The following PCDH11X variants were observed in gnomAD, a reference collection of about 807,000 sequenced individuals.
PCDH11X encodes the protein protocadherin 11 X-linked, also known as protocadherin-11 X-linked.
Under a neutral mutation model 53.3 loss-of-function variants are expected in PCDH11X, and 18 were observed. The ratio of observed to expected loss-of-function variants is 0.34; its 90% CI spans 0.23 to 0.50. The LOEUF is 0.50. Ranked by LOEUF, PCDH11X falls within the 20% of genes least tolerant of loss-of-function variation. The pLI, the probability that PCDH11X is intolerant of heterozygous loss-of-function variation, is 0.98. For synonymous variants in PCDH11X, 279 were observed against 393.3 expected, an observed-to-expected ratio of 0.71 and a Z score of 3.44; for missense variants, 570 against 1,032.4, an observed-to-expected ratio of 0.55 and a Z score of 6.14.
chrX:92,606,007 G>T (rs1258969757), intron 10 of PCDH11X, among the ~76,000 whole-genome samples: 1 of 110,201 alleles, frequency 9.1e-6, no homozygotes, highest in African/African-American at 3.3e-5. Context: ...CGAGGCGGGC[G>T]GATCACCTGA....
intron 5 of PCDH11X, among the ~76,000 whole-genome samples, chrX:91,876,231 C>T (rs1487080802): frequency 4.5e-5 from 5 of 110,165 alleles, no homozygotes; most frequent in Non-Finnish European, 7.6e-5. Context: ...AGGAAGGTGG[C>T]GAGGGATAAA....
chrX:92,482,508 C>G (rs778803781), intron 10 of PCDH11X, among the ~76,000 whole-genome samples: 2 of 111,463 alleles, frequency 1.8e-5, no homozygotes, highest in Non-Finnish European at 3.8e-5. Flanking sequence ...AATTTTTTTA[C>G]GAGTTTATCA....
At chrX:92,309,169 T>A (rs1172344187) in intron 8 of PCDH11X, among the ~76,000 whole-genome samples, 1 of 112,179 alleles carries the variant, frequency 8.9e-6, no homozygotes, top group Admixed American at 9.5e-5. Context: ...AAGCAGCATC[T>A]TGAACAGATA....
intron 10 of PCDH11X, among the ~76,000 whole-genome samples, chrX:92,553,805 T>C (rs1452944564): frequency 9.1e-6 from 1 of 109,413 alleles, no homozygotes; most frequent in Non-Finnish European, 1.9e-5. Context: ...TCCACCATCT[T>C]GCTCCCCCTC....
At chrX:92,584,789 C>CTTTTTTTTTTTT (rs1171667582) in intron 10 of PCDH11X, among the ~76,000 whole-genome samples, 1 of 65,111 alleles carries the variant, frequency 1.5e-5, no homozygotes, top group African/African-American at 7.0e-5. Flanking sequence ...TCTTTTTTTC[C>CTTTTTTTTTTTT]TTTTTTTTTT....
chrX:92,309,899 A>G (rs2068912088), intron 8 of PCDH11X, among the ~76,000 whole-genome samples: 1 of 112,046 alleles, frequency 8.9e-6, no homozygotes, highest in Non-Finnish European at 1.9e-5. Context: ...GATTTGCTGT[A>G]TGCTGCTTTT....
At chrX:91,930,498 A>AAT (rs1205057082) in intron 6 of PCDH11X, among the ~76,000 whole-genome samples, 10 of 105,439 alleles carry the variant, frequency 9.5e-5, no homozygotes, top group East Asian at 3.0e-4. Context: ...GTCCTCTCCA[A>AAT]ATATATATAT....
Position 92,558,256 on chromosome X carries a change from C to G in PCDH11X, c.3368-60008C>G, listed in dbSNP as rs374128277. 2.7e-5 allele frequency among the ~76,000 whole-genome samples: 3 copies of G among 110,287 alleles called. No homozygotes were observed. In the Admixed American group the frequency reaches 2.9e-4, roughly 11 times the overall value. ...TCTTGACATTGTTCTTCCATCATAA[C>G]GCAGGTTGAGTTGTTTTTTTCCCTG... On this transcript the variant is annotated intron_variant, in intron 10 of 10. Transcript: ENST00000682573.
chrX:91,790,295 A>T (rs1216230474), intron 1 of PCDH11X, among the ~76,000 whole-genome samples: 6 of 112,169 alleles, frequency 5.3e-5, no homozygotes, highest in South Asian at 3.6e-4. Flanking sequence ...TGTACATACG[A>T]TTATACCATT....
In PCDH11X at chrX:91,823,222, G is replaced by A. The variant is rs181431930; in HGVS notation, c.-45+11927G>A. ...GTGCAGAGCTGAGTTCAATTCCTGG[G>A]TATCCTTGTTGACTTTCTGTCTAGT... is the stretch of plus-strand genomic sequence containing the variant. On this transcript the variant is annotated intron_variant, in intron 4 of 10. Coordinates refer to ENST00000682573, the MANE Select transcript of PCDH11X (RefSeq NM_032968.5). 7.5e-3 allele frequency among the ~76,000 whole-genome samples: 825 copies of A among 110,632 alleles called. 13 individuals are homozygous for A. Among genetic ancestry groups the A allele is most frequent in the African/African-American group, 0.023 (686 of 30,342 alleles).
intron 8 of PCDH11X, among the ~76,000 whole-genome samples, chrX:92,353,387 G>T (rs2070106744): frequency 9.0e-6 from 1 of 111,574 alleles, no homozygotes; most frequent in Non-Finnish European, 1.9e-5. Flanking sequence ...CTGTTCTTCA[G>T]TCCTAAAATA....
chrX:92,461,538 GC>G (rs1298457178), intron 9 of PCDH11X, among the ~76,000 whole-genome samples: 3 of 112,054 alleles, frequency 2.7e-5, no homozygotes, highest in African/African-American at 6.5e-5. Context: ...CGTATCTCTT[GC>G]TATATACAAA....
chrX:92,353,929 T>TA (rs2070125081), intron 8 of PCDH11X, among the ~76,000 whole-genome samples: 1 of 102,120 alleles, frequency 9.8e-6, no homozygotes, highest in Non-Finnish European at 2.0e-5. Flanking sequence ...TTAAATGAGG[T>TA]AAAATCTATT....
At chrX:92,600,858 G>A (rs1236669101) in intron 10 of PCDH11X, among the ~76,000 whole-genome samples, 2 of 101,764 alleles carry the variant, frequency 2.0e-5, no homozygotes, top group East Asian at 3.1e-4. Context: ...CCAAGACCAC[G>A]AGAACCCACC....
intron 10 of PCDH11X, among the ~76,000 whole-genome samples, chrX:92,528,021 G>C (rs1457861646): frequency 1.1e-4 from 12 of 111,629 alleles, no homozygotes; most frequent in Non-Finnish European, 1.9e-4. Flanking sequence ...TGAATTATTA[G>C]AACTACTTCT....
At chrX:92,344,099 G>T (rs1215476703) in intron 8 of PCDH11X, among the ~76,000 whole-genome samples, 1 of 106,866 alleles carries the variant, frequency 9.4e-6, no homozygotes, top group African/African-American at 3.4e-5. Flanking sequence ...GATGATGTTT[G>T]AAGATCTTAT....
intron 8 of PCDH11X, among the ~76,000 whole-genome samples, chrX:92,278,324 C>G (rs1462588608): frequency 9.0e-6 from 1 of 111,630 alleles, no homozygotes; most frequent in African/African-American, 3.3e-5. Flanking sequence ...GATTGATCTC[C>G]TAAGGGAGGT....
At chrX:91,888,308 A>T (rs1346821274) in intron 6 of PCDH11X, among the ~76,000 whole-genome samples, 1 of 111,792 alleles carries the variant, frequency 8.9e-6, no homozygotes, top group Non-Finnish European at 1.9e-5. Context: ...TTATATATTG[A>T]TTTACTTCAT....
chrX:92,017,002 A>C (rs1251076979), intron 6 of PCDH11X, among the ~76,000 whole-genome samples: 1 of 100,590 alleles, frequency 9.9e-6, no homozygotes, highest in Non-Finnish European at 2.0e-5. Flanking sequence ...GCCTACTTTA[A>C]GGAGTGTTGT....
Sources: gnomAD v4.1 joint callset for allele counts (sites outside exome capture counted in the v4.1 genomes callset) on GRCh38, gnomAD v4.1.1 for gene constraint, MANE v1.5 for transcripts, NCBI Gene and HGNC (gene_info 2026-07-23, HGNC 2026-07-21) for gene names.